The following DIAPH2 variants were observed in gnomAD, a reference collection of about 807,000 sequenced individuals.
DIAPH2 encodes the protein protein diaphanous homolog 2.
In DIAPH2, 35 loss-of-function variants were observed where a neutral mutation model predicts 92.7. The observed-to-expected ratio is 0.38, with a 90% CI of 0.29 to 0.50. DIAPH2 has a LOEUF of 0.50. Among genes scored for constraint, DIAPH2 ranks in the 20% least tolerant of loss-of-function variants. DIAPH2 has a pLI of 0.94. For missense variants in DIAPH2, 701 were observed against 819.5 expected, an observed-to-expected ratio of 0.86 and a Z score of 1.77; for synonymous variants, 301 against 280.4, an observed-to-expected ratio of 1.07 and a Z score of -0.73.
intron 22 of DIAPH2, among the ~76,000 whole-genome samples, chrX:97,214,836 TAA>T (rs368311868): frequency 0.42 from 26,693 of 62,946 alleles, 4,512 homozygotes; most frequent in East Asian, 0.65. Flanking sequence ...CGTCTCAAAT[TAA>T]AAAAAAAAAA....
chrX:97,443,600 T>C (rs1221387216), intron 26 of DIAPH2, among the ~76,000 whole-genome samples: 3 of 112,237 alleles, frequency 2.7e-5, no homozygotes, highest in African/African-American at 9.7e-5. Context: ...TACATCACTG[T>C]AAATGAAATC....
At chrX:96,692,801 C>T (rs935684669) in intron 1 of DIAPH2, among the ~76,000 whole-genome samples, 2 of 111,953 alleles carry the variant, frequency 1.8e-5, no homozygotes, top group African/African-American at 3.3e-5. Context: ...CTAGATAAAG[C>T]GTTCATATGA....
chrX:97,293,186 G>A (rs999466627), intron 23 of DIAPH2, among the ~76,000 whole-genome samples: 7 of 105,595 alleles, frequency 6.6e-5, no homozygotes, highest in East Asian at 5.9e-4. Context: ...TGTTTTTATC[G>A]TCTTCCATGC....
chrX:96,693,775 C>A (rs1489221218), intron 1 of DIAPH2, among the ~76,000 whole-genome samples: 1 of 112,826 alleles, frequency 8.9e-6, no homozygotes, highest in East Asian at 2.8e-4. Flanking sequence ...TGGCTCACGC[C>A]TGTAGTCCCA....
rs1425921622 is a variant in DIAPH2 at position 96,749,142 on chromosome X, AAAAAT to A, written c.343-9010_343-9006del. ...CTACCCCATCAGAAAAAAAAAAAAAAAAAATATATATATATATATATATATGTTTG... is the reference window on the plus strand; with the variant it reads ...CTACCCCATCAGAAAAAAAAAAAAAAATATATATATATATATATATGTTTG... On this transcript the variant is annotated intron_variant, in intron 3 of 26. Transcript: ENST00000324765. Among the ~76,000 whole-genome samples, 42 of 79,264 alleles carry A rather than the reference AAAAAT, an allele frequency of 5.3e-4. No individual in the cohort carries two copies. The East Asian group carries it at 6.3e-3, about 12-fold the overall frequency. The allele number at this position is 79,264 out of a possible 115,157, so 68.8% of individuals were successfully genotyped here.
chrX:96,895,107 G>A (rs1176233545), intron 5 of DIAPH2, among the ~76,000 whole-genome samples: 2 of 106,926 alleles, frequency 1.9e-5, no homozygotes, highest in Non-Finnish European at 1.9e-5. Flanking sequence ...GGGTTCAAGC[G>A]ATTCTCCTGC....
chrX:97,378,438 T>C (rs1324373242), intron 24 of DIAPH2, among the ~76,000 whole-genome samples: 4 of 109,013 alleles, frequency 3.7e-5, no homozygotes, highest in Non-Finnish European at 7.6e-5. Context: ...TCTCAGCACT[T>C]TGGGAGGCCG....
At chrX:97,396,728 A>G (rs186484275) in intron 25 of DIAPH2, among the ~76,000 whole-genome samples, 1 of 112,254 alleles carries the variant, frequency 8.9e-6, no homozygotes, top group Non-Finnish European at 1.9e-5. Context: ...TAATTCCACA[A>G]GTATTTATTC....
At chrX:96,825,429 T>C (rs1369731821) in intron 4 of DIAPH2, among the ~76,000 whole-genome samples, 1 of 107,896 alleles carries the variant, frequency 9.3e-6, no homozygotes, top group Non-Finnish European at 1.9e-5. Context: ...TATATCTTCA[T>C]GGAGATTTTT....
chrX:97,173,402 A>AAAT (rs746358899), intron 22 of DIAPH2, among the ~76,000 whole-genome samples: 2 of 111,662 alleles, frequency 1.8e-5, no homozygotes, highest in Admixed American at 9.6e-5. Context: ...CCCAGTCTCA[A>AAAT]AATAATAATA....
rs758318720 is a variant in DIAPH2, at chrX:97,368,927, C to G, written c.3010-14982C>G. On this transcript the variant is annotated intron_variant, in intron 24 of 26. Transcript: ENST00000324765. ...TTTTTTTTTTTTTTTTTTTTTGAGA[C>G]GAAGTTTCGCTCTTGTTGCCCAGAC... 2.0e-4 allele frequency among the ~76,000 whole-genome samples: 3 copies of G among 14,886 alleles called. No individual in the cohort carries two copies. In the Admixed American group the frequency reaches 3.7e-3, roughly 18 times the overall value. The allele number at this position is 14,886 out of a possible 115,157, so 12.9% of individuals were successfully genotyped here.
chrX:97,462,554 G>A (rs1169823906), intron 26 of DIAPH2, among the ~76,000 whole-genome samples: 1 of 111,929 alleles, frequency 8.9e-6, no homozygotes, highest in Admixed American at 9.5e-5. Context: ...TATTTTCAGG[G>A]TGCTAATTAT....
intron 26 of DIAPH2, among the ~76,000 whole-genome samples, chrX:97,454,769 C>T (rs959679484): frequency 3.6e-5 from 4 of 109,717 alleles, no homozygotes; most frequent in East Asian, 2.8e-4. Context: ...GCAGGAGAAT[C>T]GCTTGAACCT....
chrX:96,815,342 G>C (rs1417804146), intron 4 of DIAPH2, among the ~76,000 whole-genome samples: 1 of 111,886 alleles, frequency 8.9e-6, no homozygotes, highest in African/African-American at 3.3e-5. Context: ...CCAGGCGCGG[G>C]ATATAATCTT....
chrX:97,258,487 C>T (rs779503323), intron 23 of DIAPH2, among the ~76,000 whole-genome samples: 145 of 106,983 alleles, frequency 1.4e-3, no homozygotes, highest in Non-Finnish European at 2.1e-3. Flanking sequence ...GCAGGAGAAC[C>T]GCCTGAACCC....
chrX:97,567,367 C>T (rs1206496984), intron 26 of DIAPH2, among the ~76,000 whole-genome samples: 1 of 112,155 alleles, frequency 8.9e-6, no homozygotes, highest in African/African-American at 3.2e-5. Context: ...TATTCTGCCT[C>T]CCTACCTTTC....
intron 25 of DIAPH2, among the ~76,000 whole-genome samples, chrX:97,409,617 C>A (rs1420013309): frequency 1.8e-5 from 2 of 111,835 alleles, no homozygotes; most frequent in Non-Finnish European, 1.9e-5. Flanking sequence ...CCTTTCCTAG[C>A]CAAAGGAAGC....
At chrX:96,746,552 TTTTG>T (rs975600786) in intron 3 of DIAPH2, among the ~76,000 whole-genome samples, 4 of 110,981 alleles carry the variant, frequency 3.6e-5, no homozygotes, top group Admixed American at 9.6e-5. Flanking sequence ...CTTTTGTTTT[TTTTG>T]TTTGTTTGTT....
chrX:96,948,786 T>C, intron 14 of DIAPH2, 149 bp from the exon 15 acceptor site: 1 of 321,080 alleles, frequency 3.1e-6, no homozygotes. Context: ...GGATACTTAA[T>C]TGTTATGAAA....
Sources: gnomAD v4.1 joint callset for allele counts (sites outside exome capture counted in the v4.1 genomes callset) on GRCh38, gnomAD v4.1.1 for gene constraint, MANE v1.5 for transcripts, NCBI Gene and HGNC (gene_info 2026-07-23, HGNC 2026-07-21) for gene names.